ZPBP: variants seen among roughly 807,000 people sequenced by gnomAD.
ZPBP encodes zona pellucida binding protein.
Under a neutral mutation model 44.8 loss-of-function variants are expected in ZPBP, and 26 were observed. That is an observed-to-expected ratio of 0.58 (90% CI 0.43 to 0.81). ZPBP has a LOEUF of 0.81. Ranked by LOEUF, ZPBP falls within the 30% of genes least tolerant of loss-of-function variation. The pLI, the probability that ZPBP is intolerant of heterozygous loss-of-function variation, is 0.00. For missense variants in ZPBP, 409 were observed against 434.0 expected, an observed-to-expected ratio of 0.94 and a Z score of 0.51; for synonymous variants, 174 against 153.2, an observed-to-expected ratio of 1.14 and a Z score of -1.00.
intron 6 of ZPBP, among the ~76,000 whole-genome samples, chr7:49,985,017 G>T (rs544389933): frequency 6.6e-6 from 1 of 152,072 alleles, no homozygotes; most frequent in Non-Finnish European, 1.5e-5. Context: ...TCTCAAAGAT[G>T]CACGTTACAT....
At chr7:49,908,671 TCTCCACCAAAAG>T (rs1460108624) in intron 1 of ZPBP, among the ~76,000 whole-genome samples, 3 of 151,892 alleles carry the variant, frequency 2.0e-5, no homozygotes, top group Non-Finnish European at 4.4e-5. Flanking sequence ...CTAAATATAT[TCTCCACCAAAAG>T]GAAGAGAGAA....
At chr7:49,990,491 C>T (rs1360389974) in intron 6 of ZPBP, among the ~76,000 whole-genome samples, 12 of 152,124 alleles carry the variant, frequency 7.9e-5, no homozygotes, top group Admixed American at 7.9e-4. Context: ...GAGTCGCTCC[C>T]CTCTTTCTAG....
At chr7:49,877,481 A>AAAAAATATATATATAT in intron 2 of ZPBP, among the ~76,000 whole-genome samples, 1 of 12,722 alleles carries the variant, frequency 7.9e-5, no homozygotes, top group Non-Finnish European at 1.4e-4. Context: ...AAAAAAAAAA[A>AAAAAATATATATATAT]ATATATATAT....
At chr7:50,013,192 A>T (rs1788146387) in intron 6 of ZPBP, among the ~76,000 whole-genome samples, 1 of 151,894 alleles carries the variant, frequency 6.6e-6, no homozygotes, top group African/African-American at 2.4e-5. Flanking sequence ...AAGCCCTATT[A>T]TTTTATAATA....
At chr7:49,887,363 T>C (rs921680698) in intron 2 of ZPBP, among the ~76,000 whole-genome samples, 4 of 152,248 alleles carry the variant, frequency 2.6e-5, no homozygotes, top group African/African-American at 9.6e-5. Context: ...CCTTGGATGA[T>C]GACACCATTT....
At chr7:49,858,075 G>T (rs985889207) in intron 2 of ZPBP, among the ~76,000 whole-genome samples, 4 of 152,184 alleles carry the variant, frequency 2.6e-5, no homozygotes, top group African/African-American at 9.7e-5. Context: ...TCACCACACT[G>T]ACTTCCACAA....
chr7:50,044,804 A>C (rs1800264751), intron 4 of ZPBP, among the ~76,000 whole-genome samples: 1 of 152,216 alleles, frequency 6.6e-6, no homozygotes, highest in African/African-American at 2.4e-5. Flanking sequence ...CTCCTCCCTA[A>C]CTCATTTTAT....
intron 7 of ZPBP, among the ~76,000 whole-genome samples, chr7:49,969,816 TATAG>T (rs778013430): frequency 0.18 from 23,719 of 135,522 alleles, 2,587 homozygotes; most frequent in East Asian, 0.51. Context: ...TATATATATA[TATAG>T]AGAGAGAGAG....
chr7:49,879,942 T>C (rs1046604906), intron 2 of ZPBP, among the ~76,000 whole-genome samples: 2 of 152,194 alleles, frequency 1.3e-5, no homozygotes, highest in African/African-American at 4.8e-5. Flanking sequence ...TTTTCCAGTG[T>C]TTATTGAAGC....
At chr7:49,948,142 C>T (rs1288272237) in intron 7 of ZPBP, among the ~76,000 whole-genome samples, 2 of 152,160 alleles carry the variant, frequency 1.3e-5, no homozygotes, top group African/African-American at 4.8e-5. Flanking sequence ...TATCCAGGAG[C>T]GATGGCCTGG....
intron 1 of ZPBP, 25 bp downstream of exon 1, chr7:50,093,043 C>A: frequency 1.3e-6 from 2 of 1,590,078 alleles, no homozygotes; most frequent in Non-Finnish European, 8.6e-7. Context: ...CCCTGCGGAG[C>A]CGGCAGGGCG....
chr7:49,975,184 T>C (rs1583951558), intron 7 of ZPBP, among the ~76,000 whole-genome samples: 2 of 152,246 alleles, frequency 1.3e-5, no homozygotes, highest in Middle Eastern at 6.8e-3. Flanking sequence ...TGGGAGCTCC[T>C]ACCCTCCTCA....
intron 2 of ZPBP, among the ~76,000 whole-genome samples, chr7:49,885,917 G>A (rs1457210169): frequency 1.3e-5 from 2 of 152,244 alleles, no homozygotes; most frequent in Non-Finnish European, 2.9e-5. Flanking sequence ...CAAGACCTCC[G>A]TGATTCTGGG....
At chr7:49,941,597 T>C (rs576177999) in intron 7 of ZPBP, among the ~76,000 whole-genome samples, 23 of 152,166 alleles carry the variant, frequency 1.5e-4, no homozygotes, top group Non-Finnish European at 2.8e-4. Context: ...GGTGGAATAA[T>C]GTATACTATA....
At position 50,001,000 on chromosome 7, in the gene ZPBP, T is replaced by C. The variant is rs1366265724; in HGVS notation, c.783+17240A>G. 3.9e-5 allele frequency among the ~76,000 whole-genome samples: 6 copies of C among 152,126 alleles called. 1 individual carries two copies. Among genetic ancestry groups the C allele is most frequent in the Admixed American group, 3.9e-4 (6 of 15,268 alleles). On this transcript the variant is annotated intron_variant, in intron 6 of 7. Coordinates refer to ENST00000046087, the MANE Select transcript of ZPBP (RefSeq NM_007009.3). Reference sequence around the variant, plus strand: ...GAAGAGTTAAGGACACAGACACACATACAAAGAGGAAAGACCATGTGAAGA... The same window carrying C: ...GAAGAGTTAAGGACACAGACACACACACAAAGAGGAAAGACCATGTGAAGA...
rs921266403 is a variant in ZPBP, at chr7:50,031,128, C to A, written c.670G>T (p.Ala224Ser). ...AAGAACAATTCATTTTGCAAACCAG[C>A]TCTTTGCATTTTAACGCGATGGCAT... ...SECHRVKMQRAGLQNELFFAF... is the reference protein window; with the variant it reads ...SECHRVKMQRSGLQNELFFAF... Residue 224 changes from alanine (A) to serine (S), a missense_variant, in exon 5 of 8, where the codon GCT (alanine) becomes TCT (serine). Physicochemically the swap from Ala to Ser is moderately conservative, Grantham distance 99. Coordinates refer to ENST00000046087, the MANE Select transcript of ZPBP (RefSeq NM_007009.3). 1.9e-6 allele frequency: 3 copies of A among 1,613,642 alleles called. No homozygotes were observed. In the African/African-American group the frequency reaches 4.0e-5, roughly 22 times the overall value.
At chr7:49,934,424 A>C (rs1191325545), downstream of ZPBP, among the ~76,000 whole-genome samples, 1 of 123,792 alleles carries the variant, frequency 8.1e-6, no homozygotes, top group Non-Finnish European at 1.7e-5. Flanking sequence ...TTCACTGCAG[A>C]AAATTTGGAA....
intron 2 of ZPBP, among the ~76,000 whole-genome samples, chr7:49,872,931 A>AAAAAAAG: frequency 6.7e-6 from 1 of 149,442 alleles, no homozygotes; most frequent in Non-Finnish European, 1.5e-5. Flanking sequence ...AAAAAAAAAA[A>AAAAAAAG]AAAAAAGAAA....
chr7:49,885,466 G>C (rs1446562985), intron 2 of ZPBP, among the ~76,000 whole-genome samples: 1 of 152,090 alleles, frequency 6.6e-6, no homozygotes, highest in East Asian at 1.9e-4. Context: ...ATGTAAGATA[G>C]CAGATTAACT....
Sources: gnomAD v4.1 joint callset for allele counts (sites outside exome capture counted in the v4.1 genomes callset) on GRCh38, gnomAD v4.1.1 for gene constraint, MANE v1.5 for transcripts, NCBI Gene and HGNC (gene_info 2026-07-23, HGNC 2026-07-21) for gene names.